OPTN: variants seen among roughly 807,000 people sequenced by gnomAD.
The protein encoded by OPTN is E3-14.7K-interacting protein.
In OPTN, 54 loss-of-function variants were observed where a neutral mutation model predicts 70.4. The ratio of observed to expected loss-of-function variants is 0.77; its 90% CI spans 0.62 to 0.96. The LOEUF (loss-of-function observed/expected upper bound fraction) is 0.96. Ranked by LOEUF, OPTN falls within the 40% of genes least tolerant of loss-of-function variation. OPTN has a pLI of 0.00. For synonymous variants in OPTN, 256 were observed against 248.5 expected, an observed-to-expected ratio of 1.03 and a Z score of -0.28; for missense variants, 624 against 673.2, an observed-to-expected ratio of 0.93 and a Z score of 0.81.
At chr10:13,120,986 T>C (rs1833336558) in intron 7 of OPTN, among the ~76,000 whole-genome samples, 1 of 152,076 alleles carries the variant, frequency 6.6e-6, no homozygotes, top group East Asian at 1.9e-4. Flanking sequence ...ACCACACACT[T>C]AGAAAACCAT....
At chr10:13,112,758 G>C in intron 5 of OPTN, 123 bp downstream of exon 5, 5 of 952,420 alleles carry the variant, frequency 5.2e-6, no homozygotes, top group Non-Finnish European at 4.9e-6. Flanking sequence ...GTGTAGCAAA[G>C]ATAAATTGGC....
In OPTN at chr10:13,110,384, G is replaced by A; in HGVS notation, c.277G>A (p.Ala93Thr). 1.9e-6 allele frequency: 3 copies of A among 1,614,118 alleles called. No individual in the cohort carries two copies. The highest frequency in any genetic ancestry group is 1.7e-6 in the Non-Finnish European group (2 of 1,180,012). Residue 93 changes from alanine (A) to threonine (T), a missense_variant, in exon 4 of 15, where the codon GCA (alanine) becomes ACA (threonine). Ala to Thr is a moderately conservative substitution (Grantham distance 58). Coordinates refer to ENST00000378747, the MANE Select transcript of OPTN (RefSeq NM_001008212.2). Reference protein sequence around the residue: ...RQFFEIQSKEAKERLMALSHE... With the variant: ...RQFFEIQSKETKERLMALSHE... ...GTTTTTTGAGATACAGAGCAAAGAA[G>A]CAAAAGAGCGTCTAATGGCCTTGAG...
At chr10:13,131,382 G>A (rs1250398958) in intron 12 of OPTN, 1 of 152,636 alleles carries the variant, frequency 6.6e-6, no homozygotes, top group Admixed American at 6.5e-5. Context: ...CAAGAGGCAA[G>A]GATCACTGGA....
Position 13,112,583 on chromosome 10 carries a change from A to G in OPTN, c.500A>G (p.Lys167Arg), listed in dbSNP as rs767704804. The change falls in exon 5 of 15, where the codon AAG becomes AGG. Residue 167 changes from lysine to arginine, a missense_variant. Transcript: ENST00000378747. ...GGCATCGTGTCTGAACTGCAGCTCAAGCTGAACTCCAGCGGCTCCTCAGAA... is the reference window on the plus strand; with the variant it reads ...GGCATCGTGTCTGAACTGCAGCTCAGGCTGAACTCCAGCGGCTCCTCAGAA... ...LLGIVSELQL[K>R]LNSSGSSEDS... 3.1e-6 allele frequency: 5 copies of G among 1,614,178 alleles called. No homozygotes were observed. In the South Asian group the frequency reaches 4.4e-5, roughly 14 times the overall value.
intron 4 of OPTN, among the ~76,000 whole-genome samples, chr10:13,111,173 G>C (rs1832987004): frequency 6.6e-6 from 1 of 152,126 alleles, no homozygotes; most frequent in Admixed American, 6.6e-5. Context: ...GCTTTGATGG[G>C]AGGAAAAGGG....
At chr10:13,136,611 C>T in intron 14 of OPTN, 134 bp from the exon 15 acceptor site, 1 of 950,432 alleles carries the variant, frequency 1.1e-6, no homozygotes, top group Non-Finnish European at 1.6e-6. Context: ...AAAGACCAAA[C>T]ACCTGTGCTC....
rs1189662370 is a variant in OPTN, at chr10:13,118,937, T to C, written c.676T>C (p.Phe226Leu). The C allele has an allele frequency of 6.2e-7, 1 of 1,614,002 alleles. No individual in the cohort carries two copies. Among genetic ancestry groups the C allele is most frequent in the Non-Finnish European group, 8.5e-7 (1 of 1,179,970 alleles). The change falls in exon 7 of 15, where the codon TTC (phenylalanine) becomes CTC (leucine). Residue 226 changes from phenylalanine to leucine, a missense_variant. Physicochemically the swap from Phe to Leu is conservative, Grantham distance 22. Transcript: ENST00000378747. ...SRSADGAKNY[F>L]EHEELTVSQL... ...ATCTGCAGATGGGGCCAAGAATTAC[T>C]TCGAACATGAGGAGTTAACTGTGAG...
chr10:13,126,572 G>C (rs955933043), intron 11 of OPTN, among the ~76,000 whole-genome samples: 9 of 150,958 alleles, frequency 6.0e-5, no homozygotes, highest in African/African-American at 2.2e-4. Flanking sequence ...GAGCCACCGC[G>C]CCCGGCCAGC....
Position 13,132,217 on chromosome 10 carries a change from G to A in OPTN, c.1532+20G>A, listed in dbSNP as rs893385629. On this transcript the variant is annotated intron_variant, in intron 13 of 14. Transcript: ENST00000378747. The stretch of plus-strand genomic sequence containing the variant: ...AGGCAGGTAAGGAAAAGAGAGAGGA[G>A]GACCCAGAGCTCACATCAGCATGGC... 6.2e-7 allele frequency: 1 copy of A among 1,610,256 alleles called. No homozygotes were observed. Among genetic ancestry groups the A allele is most frequent in the Non-Finnish European group, 8.5e-7 (1 of 1,177,538 alleles).
chr10:13,111,510 C>T (rs765387756), intron 4 of OPTN, among the ~76,000 whole-genome samples: 2 of 149,246 alleles, frequency 1.3e-5, no homozygotes, highest in Non-Finnish European at 3.0e-5. Flanking sequence ...CCAGCCTGGC[C>T]AACATGGCGA....
intron 11 of OPTN, 102 bp from the exon 12 acceptor site, chr10:13,127,643 G>A (rs1833496029): frequency 1.5e-6 from 2 of 1,312,432 alleles, no homozygotes; most frequent in Non-Finnish European, 1.1e-6. Context: ...CACCACACCC[G>A]GCCAGAGCTG....
chr10:13,135,570 C>G (rs1833681920), intron 14 of OPTN, among the ~76,000 whole-genome samples: 1 of 151,904 alleles, frequency 6.6e-6, no homozygotes, highest in Non-Finnish European at 1.5e-5. Context: ...ACACTTTTGC[C>G]ACGCCACTGC....
intron 1 of OPTN, chr10:13,104,861 T>C (rs937507498): frequency 2.9e-6 from 1 of 345,900 alleles, no homozygotes; most frequent in Admixed American, 3.7e-5. Flanking sequence ...AGGGACAGCA[T>C]GGGGGTGACC....
At chr10:13,132,797 C>G (rs961788602) in intron 13 of OPTN, among the ~76,000 whole-genome samples, 1 of 152,152 alleles carries the variant, frequency 6.6e-6, no homozygotes, top group Non-Finnish European at 1.5e-5. Context: ...TTACTTCTGA[C>G]TTTTAGAAAT....
chr10:13,132,288 A>C (rs1833610028), intron 13 of OPTN, 91 bp downstream of exon 13: 1 of 1,490,400 alleles, frequency 6.7e-7, no homozygotes, highest in Non-Finnish European at 9.3e-7. Flanking sequence ...TTGAACTATA[A>C]GAATAGCTGT....
rs180958598 is a variant in OPTN, at chr10:13,115,610, A to G, written c.553-657A>G. On this transcript the variant is annotated intron_variant, in intron 5 of 14. Transcript: ENST00000378747. ...ATATAACATTATATATTTATATAAT[A>G]TATATTTCTATATCTAAATATCTAA... 1.0e-3 allele frequency among the ~76,000 whole-genome samples: 135 copies of G among 134,780 alleles called. 2 individuals carry two copies. The East Asian group carries it at 0.026, about 26-fold the overall frequency. The allele number at this position is 134,780 out of a possible 152,430, so 88.4% of individuals were successfully genotyped here.
At chr10:13,114,089 GAAA>G (rs753153634) in intron 5 of OPTN, among the ~76,000 whole-genome samples, 30 of 151,478 alleles carry the variant, frequency 2.0e-4, no homozygotes, top group Non-Finnish European at 3.5e-4. Context: ...AAAAAGAAAA[GAAA>G]AAAAATTGTG....
intron 1 of OPTN, among the ~76,000 whole-genome samples, chr10:13,106,150 C>G (rs1273101394): frequency 2.0e-5 from 3 of 151,986 alleles, no homozygotes; most frequent in Non-Finnish European, 4.4e-5. Context: ...CACTGAATAC[C>G]TAAGAAAAAT....
At chr10:13,130,348 C>CT (rs1362028874) in intron 12 of OPTN, among the ~76,000 whole-genome samples, 1 of 140,406 alleles carries the variant, frequency 7.1e-6, no homozygotes, top group Non-Finnish European at 1.5e-5. Context: ...TTGCTTGAAC[C>CT]TGGGAGGCAG....
Sources: allele counts gnomAD v4.1 joint callset (sites outside exome capture counted in the v4.1 genomes callset), GRCh38; gene constraint gnomAD v4.1.1; transcripts MANE v1.5; gene names NCBI Gene and HGNC (gene_info 2026-07-23, HGNC 2026-07-21).